GRB2: variants seen among roughly 807,000 people sequenced by gnomAD.
The protein encoded by GRB2 is growth factor receptor bound protein 2, also known as growth factor receptor-bound protein 2.
Under a neutral mutation model 27.4 loss-of-function variants are expected in GRB2, and 2 were observed. The observed-to-expected ratio is 0.07, with a 90% CI of 0.03 to 0.23. The LOEUF is 0.23. Ranked by LOEUF, GRB2 falls within the 10% of genes least tolerant of loss-of-function variation. GRB2 has a pLI of 1.00. For synonymous variants in GRB2, 94 were observed against 99.6 expected (o/e 0.94, Z 0.33); for missense variants, 102 against 282.4 (o/e 0.36, Z 4.58).
At chr17:75,390,217 TA>T (rs748757099) in intron 2 of GRB2, among the ~76,000 whole-genome samples, 14 of 152,210 alleles carry the variant, frequency 9.2e-5, no homozygotes, top group Non-Finnish European at 1.8e-4. Flanking sequence ...GGCTCTCCAC[TA>T]GAGCTGAAGA....
chr17:75,356,098 T>C (rs2078731499), intron 2 of GRB2, among the ~76,000 whole-genome samples: 1 of 152,102 alleles, frequency 6.6e-6, no homozygotes, highest in Non-Finnish European at 1.5e-5. Flanking sequence ...CCTCCCAAAG[T>C]GCTAAGATTA....
At chr17:75,374,513 T>G (rs1409834278) in intron 2 of GRB2, among the ~76,000 whole-genome samples, 1 of 151,990 alleles carries the variant, frequency 6.6e-6, no homozygotes. Flanking sequence ...GTGGATCACT[T>G]TAGCTCAGGA....
intron 2 of GRB2, among the ~76,000 whole-genome samples, chr17:75,355,368 C>A (rs951237494): frequency 6.6e-6 from 1 of 152,092 alleles, no homozygotes; most frequent in Admixed American, 6.6e-5. Flanking sequence ...CCCTTTAAAT[C>A]AAAACTTTCT....
intron 1 of GRB2, among the ~76,000 whole-genome samples, chr17:75,402,806 T>C (rs2079071924): frequency 6.6e-6 from 1 of 152,112 alleles, no homozygotes; most frequent in Admixed American, 6.6e-5. Context: ...CCGGGCGCGG[T>C]GGCTCACGCC....
intron 2 of GRB2, among the ~76,000 whole-genome samples, chr17:75,362,907 C>A (rs1184174314): frequency 6.6e-6 from 1 of 152,046 alleles, no homozygotes; most frequent in African/African-American, 2.4e-5. Flanking sequence ...AAAGGCTTTC[C>A]CATTTTGGGG....
At chr17:75,362,328 T>C (rs2078788252) in intron 2 of GRB2, among the ~76,000 whole-genome samples, 1 of 152,202 alleles carries the variant, frequency 6.6e-6, no homozygotes, top group African/African-American at 2.4e-5. Flanking sequence ...ACACATATAT[T>C]TATGTACTGT....
intron 2 of GRB2, among the ~76,000 whole-genome samples, chr17:75,388,181 C>A (rs560132002): frequency 8.3e-4 from 126 of 152,156 alleles, no homozygotes; most frequent in African/African-American, 2.9e-3. Context: ...ACTGGAACCT[C>A]CACATCCCGG....
At chr17:75,389,761 C>T (rs2078986958) in intron 2 of GRB2, among the ~76,000 whole-genome samples, 1 of 152,086 alleles carries the variant, frequency 6.6e-6, no homozygotes. Context: ...AGGAGAATGG[C>T]GTGAACCCGG....
At chr17:75,340,111 C>T (rs191635262) in intron 2 of GRB2, among the ~76,000 whole-genome samples, 4 of 152,236 alleles carry the variant, frequency 2.6e-5, no homozygotes, top group Admixed American at 2.0e-4. Flanking sequence ...ATAGGCTGTA[C>T]AGTTATGGTC....
chr17:75,381,811 T>G (rs1206510993), intron 2 of GRB2, among the ~76,000 whole-genome samples: 1 of 152,040 alleles, frequency 6.6e-6, no homozygotes, highest in Non-Finnish European at 1.5e-5. Flanking sequence ...ACATACCCCT[T>G]TCTTGTTCTC....
intron 2 of GRB2, among the ~76,000 whole-genome samples, chr17:75,379,414 AG>A (rs1412063119): frequency 6.5e-5 from 2 of 30,672 alleles, no homozygotes; most frequent in Non-Finnish European, 6.0e-4. Context: ...AAAAAAAAAA[AG>A]AAAGACAGGG....
At chr17:75,378,526 G>A (rs1018017955) in intron 2 of GRB2, among the ~76,000 whole-genome samples, 4 of 152,092 alleles carry the variant, frequency 2.6e-5, no homozygotes, top group African/African-American at 4.8e-5. Flanking sequence ...GATGAAGTGA[G>A]AGAAAAACAT....
chr17:75,338,166 G>C (rs550727241), intron 2 of GRB2, among the ~76,000 whole-genome samples: 1 of 152,110 alleles, frequency 6.6e-6, no homozygotes, highest in South Asian at 2.1e-4. Context: ...CTGACCTCAG[G>C]TGATTTGCCT....
At chr17:75,385,144 A>G (rs914871917) in intron 2 of GRB2, among the ~76,000 whole-genome samples, 6 of 151,668 alleles carry the variant, frequency 4.0e-5, no homozygotes, top group African/African-American at 1.5e-4. Context: ...AGGAGGCTGA[A>G]GTAGGAGGAT....
chr17:75,367,696 C>T (rs760034898), intron 2 of GRB2, among the ~76,000 whole-genome samples: 1 of 152,120 alleles, frequency 6.6e-6, no homozygotes, highest in Non-Finnish European at 1.5e-5. Flanking sequence ...AAACTTTTTC[C>T]TATGGTTTTA....
In GRB2 at chr17:75,319,286, GCC is replaced by G. The variant is rs1456023317; in HGVS notation, c.*1080_*1081del. 1 of 145,286 alleles carries G rather than the reference GCC, an allele frequency of 6.9e-6. No homozygotes were observed. Among genetic ancestry groups the G allele is most frequent in the African/African-American group, 2.5e-5 (1 of 39,464 alleles). The allele number at this position is 145,286 out of a possible 1,614,324, so 9.0% of individuals were successfully genotyped here. ...CAAATTGGCTGAAAAGCTCTGGACT[GCC>G]TTTAACTTATTTTAAAACAAAACAA... is the stretch of plus-strand genomic sequence containing the variant. On this transcript the variant is annotated 3_prime_UTR_variant, in exon 6 of 6. Transcript: ENST00000316804.
chr17:75,396,292 G>A (rs747735416), intron 1 of GRB2, among the ~76,000 whole-genome samples: 151 of 151,702 alleles, frequency 1.0e-3, no homozygotes, highest in Admixed American at 6.6e-4. Flanking sequence ...GTCCAGGCAC[G>A]AGTGCAGTGG....
intron 2 of GRB2, among the ~76,000 whole-genome samples, chr17:75,382,802 G>A (rs1055807162): frequency 3.3e-5 from 5 of 152,126 alleles, no homozygotes; most frequent in Non-Finnish European, 5.9e-5. Flanking sequence ...TCAGCCTTCC[G>A]GGTTCACGCC....
intron 4 of GRB2, among the ~76,000 whole-genome samples, chr17:75,324,519 T>TTG: frequency 1.2e-5 from 1 of 80,258 alleles, no homozygotes; most frequent in African/African-American, 3.8e-5. Context: ...TTTTTTTTTT[T>TTG]TTTTTTTTTT....
Sources: gnomAD v4.1 joint callset for allele counts (sites outside exome capture counted in the v4.1 genomes callset) on GRCh38, gnomAD v4.1.1 for gene constraint, MANE v1.5 for transcripts, NCBI Gene and HGNC (gene_info 2026-07-23, HGNC 2026-07-21) for gene names.